ISM1: variants seen among roughly 807,000 people sequenced by gnomAD.
The protein encoded by ISM1 is isthmin-1.
In ISM1, 25 loss-of-function variants were observed where a neutral mutation model predicts 46.3. The observed-to-expected ratio is 0.54, with a 90% CI of 0.39 to 0.75. The LOEUF is 0.75. Among genes scored for constraint, ISM1 ranks in the 30% least tolerant of loss-of-function variants. The probability of loss-of-function intolerance (pLI) is 0.00; values close to 1 mark genes in which losing one functional copy is unlikely to be tolerated. For synonymous variants in ISM1, 255 were observed against 256.7 expected (o/e 0.99, Z 0.06); for missense variants, 536 against 625.4 (o/e 0.86, Z 1.52).
rs2039889991 is a variant in ISM1, at chr20:13,253,476, T to C, written c.139-17028T>C. On this transcript the variant is annotated intron_variant, in intron 1 of 5. Transcript: ENST00000262487. ...TGTGTTTCCTGGAAAGCATCTCCCA[T>C]TGCCAAAGTACCATTCAGAATGATA... Among the ~76,000 whole-genome samples the C allele has an allele frequency of 2.6e-5, 4 of 152,286 alleles. No homozygotes were observed. The South Asian group carries it at 6.2e-4, about 24-fold the overall frequency.
downstream of ISM1, among the ~76,000 whole-genome samples, chr20:13,303,665 C>T (rs1453771720): frequency 6.6e-6 from 1 of 152,208 alleles, no homozygotes; most frequent in Non-Finnish European, 1.5e-5. Context: ...CACTTGCCTG[C>T]TGGGAGTTGT....
chr20:13,249,912 A>G (rs952754048), intron 1 of ISM1, among the ~76,000 whole-genome samples: 2 of 152,046 alleles, frequency 1.3e-5, no homozygotes, highest in Non-Finnish European at 1.5e-5. Context: ...ATTTGCAAAA[A>G]TTGCTGGGGC....
intron 1 of ISM1, among the ~76,000 whole-genome samples, chr20:13,242,328 C>T (rs920136801): frequency 2.6e-5 from 4 of 152,150 alleles, no homozygotes; most frequent in Non-Finnish European, 4.4e-5. Flanking sequence ...GCAGTTGGAA[C>T]ATCCAGCATC....
At chr20:13,247,065 G>A (rs1178621213) in intron 1 of ISM1, among the ~76,000 whole-genome samples, 6 of 152,084 alleles carry the variant, frequency 3.9e-5, no homozygotes, top group East Asian at 1.9e-4. Context: ...GTGAAACCCC[G>A]TCTCTACTGA....
At chr20:13,251,918 A>G (rs6109780) in intron 1 of ISM1, among the ~76,000 whole-genome samples, 38,957 of 151,976 alleles carry the variant, frequency 0.26, 5,115 homozygotes, top group African/African-American at 0.33. Context: ...GTCAATCTGT[A>G]TATCTGCAGA....
intron 1 of ISM1, among the ~76,000 whole-genome samples, chr20:13,262,248 C>G (rs1211455515): frequency 2.0e-5 from 3 of 152,202 alleles, no homozygotes; most frequent in Non-Finnish European, 4.4e-5. Flanking sequence ...ATGGAAGCCC[C>G]CTGGTGGCCA....
chr20:13,221,926 G>C lies in ISM1; in HGVS notation c.138+12G>C. On this transcript the variant is annotated intron_variant, in intron 1 of 5. Transcript: ENST00000262487. ...AAGCCCAGCTGCAGGTGAGTGCGCCGCCGGAGAGGGCCGTGCGCGGCTGCG... is the reference window on the plus strand; with the variant it reads ...AAGCCCAGCTGCAGGTGAGTGCGCCCCCGGAGAGGGCCGTGCGCGGCTGCG... The C allele has an allele frequency of 7.5e-7, 1 of 1,324,848 alleles. No individual in the cohort carries two copies. Among genetic ancestry groups the C allele is most frequent in the Non-Finnish European group, 9.6e-7 (1 of 1,043,228 alleles). The allele number at this position is 1,324,848 out of a possible 1,614,324, so 82.1% of individuals were successfully genotyped here. A position where few individuals can be genotyped will look rare whatever the true frequency, so the allele number is the denominator to read the frequency against.
At chr20:13,275,453 G>A (rs1355559848) in intron 2 of ISM1, among the ~76,000 whole-genome samples, 1 of 152,188 alleles carries the variant, frequency 6.6e-6, no homozygotes, top group Non-Finnish European at 1.5e-5. Context: ...AGACAAGCCT[G>A]TTCGGCTCAG....
chr20:13,227,953 T>C (rs1303734245), intron 1 of ISM1, among the ~76,000 whole-genome samples: 1 of 150,646 alleles, frequency 6.6e-6, no homozygotes, highest in Non-Finnish European at 1.5e-5. Flanking sequence ...ATCTAGCTGC[T>C]GCTGCCTTTT....
the ISM1 span, among the ~76,000 whole-genome samples, chr20:13,317,112 C>G: frequency 6.6e-6 from 1 of 151,796 alleles, no homozygotes; most frequent in Admixed American, 6.6e-5. Context: ...AAAGTTAATA[C>G]ACAAATGTTC....
chr20:13,298,843 C>T (rs116494408), intron 5 of ISM1, 99 bp from the exon 6 acceptor site: 10 of 1,196,940 alleles, frequency 8.4e-6, no homozygotes, highest in Non-Finnish European at 1.2e-5. Context: ...TGTCCTCCTG[C>T]GGGCCCTCAG....
chr20:13,323,864 G>A, the ISM1 span, among the ~76,000 whole-genome samples: 1 of 152,062 alleles, frequency 6.6e-6, no homozygotes, highest in Admixed American at 6.6e-5. Flanking sequence ...AAATAGATGG[G>A]CCAAAATATT....
At chr20:13,314,103 TGAAA>T in the ISM1 span, among the ~76,000 whole-genome samples, 1 of 151,526 alleles carries the variant, frequency 6.6e-6, no homozygotes, top group Non-Finnish European at 1.5e-5. Flanking sequence ...AAAAAAAGAC[TGAAA>T]GAAACAAAAC....
At chr20:13,272,223 C>T (rs973116691) in intron 2 of ISM1, among the ~76,000 whole-genome samples, 1 of 152,302 alleles carries the variant, frequency 6.6e-6, no homozygotes, top group African/African-American at 2.4e-5. Context: ...CCTTCATTAA[C>T]TGCCTCTCTC....
At chr20:13,321,651 C>T in the ISM1 span, among the ~76,000 whole-genome samples, 2 of 152,334 alleles carry the variant, frequency 1.3e-5, no homozygotes, top group African/African-American at 4.8e-5. Flanking sequence ...CTGGCACACA[C>T]AGTGAGCTCT....
Position 13,288,602 on chromosome 20 carries a change from G to C in ISM1, c.706G>C (p.Gly236Arg), listed in dbSNP as rs1337296441. ...WSVCSVTCGN[G>R]NQKRTRSCGY... ...TGTCTGCAGCGTCACCTGCGGGAAC[G>C]GCAACCAGAAACGGACCCGGTCTTG... Residue 236 changes from glycine to arginine, a missense_variant, in exon 4 of 6, where the codon GGC (glycine) becomes CGC (arginine). By Grantham distance (125) the Gly-to-Arg change is moderately radical. Transcript: ENST00000262487. 2 of 1,613,846 alleles carry C rather than the reference G, an allele frequency of 1.2e-6. No individual in the cohort carries two copies. Among genetic ancestry groups the C allele is most frequent in the Non-Finnish European group, 1.7e-6 (2 of 1,179,882 alleles).
At chr20:13,234,335 C>A (rs1478616405) in intron 1 of ISM1, among the ~76,000 whole-genome samples, 2 of 152,156 alleles carry the variant, frequency 1.3e-5, no homozygotes, top group Admixed American at 1.3e-4. Flanking sequence ...TGGTATATTT[C>A]TTTACCCAGT....
At chr20:13,325,605 T>C in the ISM1 span, among the ~76,000 whole-genome samples, 1 of 152,220 alleles carries the variant, frequency 6.6e-6, no homozygotes, top group Non-Finnish European at 1.5e-5. Context: ...AAACCCTGTG[T>C]TCCCTTCGGA....
intron 3 of ISM1, among the ~76,000 whole-genome samples, chr20:13,283,140 A>G (rs895501114): frequency 1.3e-5 from 2 of 152,168 alleles, no homozygotes; most frequent in African/African-American, 2.4e-5. Flanking sequence ...TCCTGGGCTC[A>G]AGCAGTCCTC....
Sources: gnomAD v4.1 joint callset for allele counts (sites outside exome capture counted in the v4.1 genomes callset) on GRCh38, gnomAD v4.1.1 for gene constraint, MANE v1.5 for transcripts, NCBI Gene and HGNC (gene_info 2026-07-23, HGNC 2026-07-21) for gene names.